Variants in RELN observed in about 807,000 individuals in gnomAD.
The protein encoded by RELN is reelin.
A neutral mutation model predicts 427.6 loss-of-function variants in RELN; 108 were observed. The observed-to-expected ratio is 0.25, with a 90% CI of 0.22 to 0.30. RELN has a LOEUF of 0.30. Among genes scored for constraint, RELN ranks in the 10% least tolerant of loss-of-function variants. The pLI is 1.00. For synonymous variants in RELN, 1,524 were observed against 1,513.4 expected, an observed-to-expected ratio of 1.01 and a Z score of -0.16; for missense variants, 3,715 against 4,302.8, an observed-to-expected ratio of 0.86 and a Z score of 3.82.
chr7:103,635,151 G>A (rs191000887), intron 19 of RELN, among the ~76,000 whole-genome samples: 8 of 152,144 alleles, frequency 5.3e-5, no homozygotes, highest in African/African-American at 1.4e-4. Context: ...GAGCCACTGC[G>A]CCCAGCCTAC....
chr7:103,794,639 G>A (rs983877753), intron 3 of RELN, among the ~76,000 whole-genome samples: 39 of 152,262 alleles, frequency 2.6e-4, no homozygotes, highest in African/African-American at 9.4e-4. Flanking sequence ...CAATTCCCGA[G>A]TTGTCTTTGG....
chr7:103,692,119 T>C (rs1024129782), intron 10 of RELN, among the ~76,000 whole-genome samples: 4 of 152,134 alleles, frequency 2.6e-5, no homozygotes, highest in Non-Finnish European at 5.9e-5. Flanking sequence ...AAAATTAATC[T>C]TCCTGCCTTA....
At chr7:103,781,314 T>C (rs1395209976) in intron 3 of RELN, among the ~76,000 whole-genome samples, 2 of 152,154 alleles carry the variant, frequency 1.3e-5, no homozygotes, top group African/African-American at 4.8e-5. Context: ...AGCATTTATT[T>C]CAAATCTTCT....
chr7:103,927,800 A>T (rs1374605134), intron 1 of RELN, among the ~76,000 whole-genome samples: 1 of 152,068 alleles, frequency 6.6e-6, no homozygotes, highest in Non-Finnish European at 1.5e-5. Flanking sequence ...ATGAAGAAAA[A>T]CTCCAGGCGT....
intron 1 of RELN, among the ~76,000 whole-genome samples, chr7:103,925,525 C>T (rs1200733202): frequency 6.6e-6 from 1 of 152,044 alleles, no homozygotes; most frequent in Non-Finnish European, 1.5e-5. Context: ...CTGGATAATA[C>T]TCATCCATGA....
chr7:103,824,318 A>G lies in RELN; in HGVS notation c.473+9219T>C, dbSNP rs995910641. On this transcript the variant is annotated intron_variant, in intron 3 of 64. Coordinates refer to ENST00000428762, the MANE Select transcript of RELN (RefSeq NM_005045.4). The surrounding 1 kb of genome is among the most constrained non-coding windows in gnomAD (Gnocchi z 4.4). The stretch of plus-strand genomic sequence containing the variant: ...CTAGACTCCATATACTGAGGGTTTT[A>G]TCTTCTTACAAGTAACTTATCTTGA... Among the ~76,000 whole-genome samples, 1 of 152,042 alleles carries G rather than the reference A, an allele frequency of 6.6e-6. No homozygotes were observed. The highest frequency in any genetic ancestry group is 6.6e-5 in the Admixed American group (1 of 15,216).
At chr7:103,557,258 T>C (rs1446286595) in intron 37 of RELN, 99 bp from the exon 38 acceptor site, 1 of 1,020,532 alleles carries the variant, frequency 9.8e-7, no homozygotes, top group East Asian at 2.5e-5. Flanking sequence ...ATAAGAGAAC[T>C]TATGTTTACA....
intron 31 of RELN, among the ~76,000 whole-genome samples, chr7:103,567,477 C>T (rs971485353): frequency 5.3e-5 from 8 of 151,934 alleles, no homozygotes; most frequent in South Asian, 4.2e-4. Context: ...GCAGAGAAAG[C>T]GCAATGTTGA....
rs60259062 is a variant in RELN at position 103,926,627 on chromosome 7, GTTTTTTTTTT to G, written c.227-9452_227-9443del. 9.1e-3 allele frequency among the ~76,000 whole-genome samples: 900 copies of G among 99,090 alleles called. 1 individual carries two copies. Among genetic ancestry groups the G allele is most frequent in the Non-Finnish European group, 0.013 (655 of 48,900 alleles). 65.0% of individuals were successfully genotyped at this position (99,090 alleles called of 152,430 possible). A position where few individuals can be genotyped will look rare whatever the true frequency, so the allele number is the denominator to read the frequency against. On this transcript the variant is annotated intron_variant, in intron 1 of 64. Transcript: ENST00000428762. ...CGAACGCAGCTCTAAAGTATCATAA[GTTTTTTTTTT>G]TTTTTTTTTTTTTTTTTTTTTTTTT...
At chr7:103,917,580 G>A (rs1795514279) in intron 1 of RELN, among the ~76,000 whole-genome samples, 1 of 146,812 alleles carries the variant, frequency 6.8e-6, no homozygotes, top group African/African-American at 2.5e-5. Flanking sequence ...CTTTCATACT[G>A]TGGGAAACAA....
chr7:103,500,076 T>C (rs1355987796), intron 53 of RELN, among the ~76,000 whole-genome samples: 1 of 152,224 alleles, frequency 6.6e-6, no homozygotes, highest in Non-Finnish European at 1.5e-5. Flanking sequence ...TTTCAATCAC[T>C]AGGAATTTTG....
At chr7:103,855,441 T>C (rs1793922647) in intron 2 of RELN, among the ~76,000 whole-genome samples, 1 of 152,182 alleles carries the variant, frequency 6.6e-6, no homozygotes, top group South Asian at 2.1e-4. Context: ...GCATCTAAAA[T>C]GGATGGGTGC....
At chr7:103,962,026 T>C (rs753783642) in intron 1 of RELN, among the ~76,000 whole-genome samples, 1 of 152,230 alleles carries the variant, frequency 6.6e-6, no homozygotes, top group Non-Finnish European at 1.5e-5. Flanking sequence ...TTCTTCTTTC[T>C]GAAAGACTGT....
chr7:103,748,895 T>C (rs184424394), intron 6 of RELN, among the ~76,000 whole-genome samples: 133 of 152,332 alleles, frequency 8.7e-4, no homozygotes, highest in Non-Finnish European at 1.1e-3. Flanking sequence ...ATGCAACAGA[T>C]TGCCAACAAA....
Position 103,519,360 on chromosome 7 carries a change from G to A in RELN, c.7825C>T (p.Leu2609Phe), listed in dbSNP as rs1425918500. ...SVNGGITWNL[L>F]MEIFYDQYSK... ...TACTGGTCATAGAAAATCTCCATGA[G>A]CAGGTTCCAGGTAATGCCTCCATTG... The change falls in exon 49 of 65, where the codon CTC becomes TTC. Residue 2609 changes from leucine (L) to phenylalanine (F), a missense_variant. Around this residue, in one of 4 missense-constraint regions of RELN, gnomAD observed 1,310 missense variants for 1,643.0 expected, o/e 0.80. Coordinates refer to ENST00000428762, the MANE Select transcript of RELN (RefSeq NM_005045.4). The A allele has an allele frequency of 1.9e-6, 3 of 1,614,026 alleles. No homozygotes were observed. The highest frequency in any genetic ancestry group is 2.5e-6 in the Non-Finnish European group (3 of 1,179,936).
intron 1 of RELN, among the ~76,000 whole-genome samples, chr7:103,931,133 A>AAGAATCCCCC (rs1273478378): frequency 6.6e-6 from 1 of 152,056 alleles, no homozygotes; most frequent in African/African-American, 2.4e-5. Context: ...GGCGGGTACC[A>AAGAATCCCCC]AGAATCCCCC....
At chr7:103,534,095 T>C (rs1463080467) in intron 46 of RELN, among the ~76,000 whole-genome samples, 2 of 152,238 alleles carry the variant, frequency 1.3e-5, no homozygotes, top group African/African-American at 4.8e-5. Context: ...CCATTTATGA[T>C]AATCCTAAGA....
At position 103,705,010 on chromosome 7, in the gene RELN, C is replaced by A. The variant is rs114821411; in HGVS notation, c.806-4004G>T. Among the ~76,000 whole-genome samples, 274 of 152,288 alleles carry A rather than the reference C, an allele frequency of 1.8e-3. 2 individuals carry two copies. The highest frequency in any genetic ancestry group is 6.2e-3 in the African/African-American group (258 of 41,552). ...CTGGGATGTTCTCTTCTCTTCACTT[C>A]CACCACCCTCTTGATTTTTCTCCTG... is the stretch of plus-strand genomic sequence containing the variant. On this transcript the variant is annotated intron_variant, in intron 8 of 64. Transcript: ENST00000428762.
At chr7:103,842,366 T>A (rs370417462) in intron 2 of RELN, among the ~76,000 whole-genome samples, 1 of 152,192 alleles carries the variant, frequency 6.6e-6, no homozygotes, top group African/African-American at 2.4e-5. Flanking sequence ...TATCCCTCTT[T>A]AATCTGTTAA....
Sources: allele counts gnomAD v4.1 joint callset (sites outside exome capture counted in the v4.1 genomes callset), GRCh38; gene constraint gnomAD v4.1.1; regional missense constraint gnomAD v4.1.1; non-coding constraint Gnocchi (gnomAD v3.1); transcripts MANE v1.5; gene names NCBI Gene and HGNC (gene_info 2026-07-23, HGNC 2026-07-21).